Variants in MAST4 observed in about 807,000 individuals in gnomAD.
MAST4 encodes microtubule-associated serine/threonine-protein kinase 4.
In MAST4, 89 loss-of-function variants were observed where a neutral mutation model predicts 162.7. That is an observed-to-expected ratio of 0.55 (90% CI 0.46 to 0.65). The LOEUF is 0.65. Among genes scored for constraint, MAST4 ranks in the 30% least tolerant of loss-of-function variants. MAST4 has a pLI of 0.00. For missense variants in MAST4, 3,153 were observed against 3,374.0 expected, an observed-to-expected ratio of 0.93 and a Z score of 1.62; for synonymous variants, 1,479 against 1,361.1, an observed-to-expected ratio of 1.09 and a Z score of -1.91.
chr5:66,821,915 C>CTGT (rs994435094), intron 3 of MAST4, among the ~76,000 whole-genome samples: 5 of 152,090 alleles, frequency 3.3e-5, no homozygotes, highest in Non-Finnish European at 5.9e-5. Flanking sequence ...GGAGACAGGA[C>CTGT]TGTGGGTTCA....
At chr5:66,753,275 A>G (rs977349716) in intron 1 of MAST4, among the ~76,000 whole-genome samples, 17 of 152,208 alleles carry the variant, frequency 1.1e-4, no homozygotes, top group African/African-American at 3.9e-4. Context: ...TTCAAAAGCT[A>G]GCAGAAGGCA....
At chr5:67,110,347 C>T (rs928012005) in intron 11 of MAST4, 148 bp downstream of exon 11, 41 of 609,474 alleles carry the variant, frequency 6.7e-5, no homozygotes, top group Admixed American at 6.3e-4. Context: ...ATGATGATGT[C>T]GATATGTGAC....
intron 1 of MAST4, among the ~76,000 whole-genome samples, chr5:66,639,278 T>TTG (rs70987132): frequency 0.04 from 5,531 of 138,674 alleles, 109 homozygotes; most frequent in Non-Finnish European, 0.046. Context: ...GAGAGGCAGC[T>TTG]TGTGTGTGTG....
chr5:66,649,755 G>A (rs960172180), intron 1 of MAST4, among the ~76,000 whole-genome samples: 1 of 151,946 alleles, frequency 6.6e-6, no homozygotes, highest in African/African-American at 2.4e-5. Flanking sequence ...TCCTCTGTAA[G>A]GACCTTGACT....
At chr5:66,992,524 T>G (rs1313800263) in intron 4 of MAST4, among the ~76,000 whole-genome samples, 1 of 152,226 alleles carries the variant, frequency 6.6e-6, no homozygotes, top group Non-Finnish European at 1.5e-5. Flanking sequence ...TCTTAAAGTT[T>G]CAGTCCCCTT....
At position 67,166,740 on chromosome 5, in the gene MAST4, C is replaced by G; in HGVS notation, c.7561C>G (p.Leu2521Val). 1 of 1,592,292 alleles carries G rather than the reference C, an allele frequency of 6.3e-7. No individual in the cohort carries two copies. The highest frequency in any genetic ancestry group is 1.1e-5 in the South Asian group (1 of 87,608). The change falls in exon 29 of 29, where the codon CTG (leucine) becomes GTG (valine). Residue 2521 changes from leucine (L) to valine (V), a missense_variant. By Grantham distance (32) the Leu-to-Val change is conservative (BLOSUM62 1). This residue lies in a region of MAST4 where 1,644 missense variants were observed against 1,495.0 expected (regional missense o/e 1.10). Coordinates refer to ENST00000403625, the MANE Select transcript of MAST4 (RefSeq NM_001164664.2). The stretch of plus-strand genomic sequence containing the variant: ...AACCCACATGACAAAGAGTGACTCC[C>G]TGCCCTCCTTCCGGGTCTCCACCCT... ...GRTHMTKSDSLPSFRVSTLPL... is the reference protein window; with the variant it reads ...GRTHMTKSDSVPSFRVSTLPL...
intron 4 of MAST4, among the ~76,000 whole-genome samples, chr5:66,927,552 C>T (rs746947042): frequency 5.9e-5 from 9 of 152,166 alleles, no homozygotes; most frequent in Non-Finnish European, 1.0e-4. Context: ...CCCCTGAAGT[C>T]TGCACGGCTG....
At chr5:67,102,760 ATAAC>A (rs1765168125) in intron 9 of MAST4, 149 bp downstream of exon 9, 1 of 660,550 alleles carries the variant, frequency 1.5e-6, no homozygotes, top group Non-Finnish European at 2.7e-6. Context: ...GAAAGAGAAA[ATAAC>A]TAAAAAAAAA....
rs763687394 is a variant in MAST4, at chr5:67,164,099, C to T, written c.4920C>T (p.Pro1640=). The change falls in exon 29 of 29, where the codon CCC becomes CCT. Residue 1640 remains proline, a synonymous_variant. Transcript: ENST00000403625. The surrounding 1 kb of genome is among the most constrained non-coding windows in gnomAD (Gnocchi z 5.3). ...RQGGGDFRRA[P]APGTLQDGLC... ...GTGGCGGGGACTTCAGACGGGCCCCCGCTCCTGGCACCCTCCAGGATGGTC... is the reference window on the plus strand; with the variant it reads ...GTGGCGGGGACTTCAGACGGGCCCCTGCTCCTGGCACCCTCCAGGATGGTC... 7 of 1,577,812 alleles carry T rather than the reference C, an allele frequency of 4.4e-6. No homozygotes were observed. The highest frequency in any genetic ancestry group is 2.3e-5 in the South Asian group (2 of 86,454).
intron 1 of MAST4, among the ~76,000 whole-genome samples, chr5:66,651,180 C>G (rs1332810479): frequency 6.8e-6 from 1 of 146,578 alleles, no homozygotes; most frequent in Non-Finnish European, 1.5e-5. Context: ...GATTGAGAAT[C>G]TTTTTTTTTT....
rs1371139903 is a variant in MAST4, at chr5:66,995,701, G to A, written c.675-58703G>A. On this transcript the variant is annotated intron_variant, in intron 4 of 28. Coordinates refer to ENST00000403625, the MANE Select transcript of MAST4 (RefSeq NM_001164664.2). Reference sequence around the variant, plus strand: ...CAGGCGTGAGCCACCATGCCCAGACGAAAATTTTTTAAATTTAAAACAACC... The same window carrying A: ...CAGGCGTGAGCCACCATGCCCAGACAAAAATTTTTTAAATTTAAAACAACC... Among the ~76,000 whole-genome samples, 7 of 151,812 alleles carry A rather than the reference G, an allele frequency of 4.6e-5. No individual in the cohort carries two copies. In the East Asian group the frequency reaches 5.8e-4, roughly 13 times the overall value.
intron 19 of MAST4, among the ~76,000 whole-genome samples, chr5:67,138,190 TAGGATTATTATA>T (rs1416314393): frequency 1.1e-4 from 16 of 152,180 alleles, no homozygotes; most frequent in African/African-American, 3.6e-4. Context: ...TGCTACCTCA[TAGGATTATTATA>T]AGGATAAAAA....
rs561652403 is a variant in MAST4 at position 66,866,029 on chromosome 5, C to T, written c.643-33922C>T. 7.5e-5 allele frequency among the ~76,000 whole-genome samples: 11 copies of T among 147,138 alleles called. No individual in the cohort carries two copies. The East Asian group carries it at 1.6e-3, about 21-fold the overall frequency. ...GGTGGAGGTTGCAGTGAGCCTAGAT[C>T]GCACCACCACACTCCAGCCTGGGTG... On this transcript the variant is annotated intron_variant, in intron 3 of 28. Coordinates refer to ENST00000403625, the MANE Select transcript of MAST4 (RefSeq NM_001164664.2).
chr5:66,865,856 G>T (rs1055970139), intron 3 of MAST4, among the ~76,000 whole-genome samples: 4 of 152,038 alleles, frequency 2.6e-5, no homozygotes, highest in African/African-American at 7.2e-5. Context: ...GGGCGGATCA[G>T]TTGAGGTCAG....
chr5:66,944,923 T>C (rs960273558), intron 4 of MAST4, among the ~76,000 whole-genome samples: 1 of 152,176 alleles, frequency 6.6e-6, no homozygotes, highest in Non-Finnish European at 1.5e-5. Context: ...ATCTCCTTTT[T>C]GATTTAGTCA....
At position 67,118,725 on chromosome 5, in the gene MAST4, A is replaced by C; in HGVS notation, c.1635A>C (p.Thr545=). 3 of 1,576,370 alleles carry C rather than the reference A, an allele frequency of 1.9e-6. No individual in the cohort carries two copies. The South Asian group carries it at 3.5e-5, about 18-fold the overall frequency. The change falls in exon 13 of 29, where the codon ACA becomes ACC. Residue 545 remains threonine (T), a synonymous_variant. Coordinates refer to ENST00000403625, the MANE Select transcript of MAST4 (RefSeq NM_001164664.2). ...LGNYDSGTAE[T]PETDESVSSS... The stretch of plus-strand genomic sequence containing the variant: ...ACTACGATAGTGGGACAGCAGAAAC[A>C]CCAGAAACAGATGAATCAGTGAGTG...
chr5:66,621,853 C>T (rs1744095926), intron 1 of MAST4, among the ~76,000 whole-genome samples: 1 of 152,142 alleles, frequency 6.6e-6, no homozygotes, highest in Non-Finnish European at 1.5e-5. Context: ...AGTTGACAGT[C>T]GTCTTCTATA....
At chr5:66,634,613 C>CT (rs1744989834) in intron 1 of MAST4, among the ~76,000 whole-genome samples, 1 of 152,142 alleles carries the variant, frequency 6.6e-6, no homozygotes, top group South Asian at 2.1e-4. Context: ...TTGGGGACTG[C>CT]TGTAGGTGCT....
chr5:66,775,771 G>C (rs1178457543), intron 2 of MAST4, among the ~76,000 whole-genome samples: 1 of 152,138 alleles, frequency 6.6e-6, no homozygotes, highest in Non-Finnish European at 1.5e-5. Flanking sequence ...ATTGAGATCT[G>C]TCACTTCAGA....
Sources: allele counts gnomAD v4.1 joint callset (sites outside exome capture counted in the v4.1 genomes callset), GRCh38; gene constraint gnomAD v4.1.1; regional missense constraint gnomAD v4.1.1; non-coding constraint Gnocchi (gnomAD v3.1); transcripts MANE v1.5; gene names NCBI Gene and HGNC (gene_info 2026-07-23, HGNC 2026-07-21).